UNC79: variants seen among roughly 807,000 people sequenced by gnomAD.
The protein encoded by UNC79 is protein unc-79 homolog.
A neutral mutation model predicts 283.1 loss-of-function variants in UNC79; 37 were observed. The ratio of observed to expected loss-of-function variants is 0.13; its 90% confidence interval spans 0.10 to 0.17. The LOEUF is 0.17. Ranked by LOEUF, UNC79 falls within the 10% of genes least tolerant of loss-of-function variation. UNC79 has a pLI of 1.00. For synonymous variants in UNC79, 1,107 were observed against 1,200.2 expected (o/e 0.92, Z 1.61); for missense variants, 2,272 against 3,211.1 (o/e 0.71, Z 7.07).
intron 1 of UNC79, among the ~76,000 whole-genome samples, chr14:93,415,027 G>A (rs1595447451): frequency 1.3e-5 from 2 of 152,262 alleles, no homozygotes; most frequent in South Asian, 4.1e-4. Flanking sequence ...TCTCCTGCCT[G>A]ATTGCCCTGG....
At chr14:93,608,021 C>A (rs2066008889) in intron 26 of UNC79, among the ~76,000 whole-genome samples, 1 of 152,164 alleles carries the variant, frequency 6.6e-6, no homozygotes, top group South Asian at 2.1e-4. Flanking sequence ...TTTTGTTCAA[C>A]AAATATTACA....
chr14:93,707,607 C>T (rs1211973991), downstream of UNC79: 7 of 152,184 alleles, frequency 4.6e-5, no homozygotes, highest in African/African-American at 1.7e-4. Flanking sequence ...TTTGTTAATA[C>T]TTGTATACAA....
intron 1 of UNC79, among the ~76,000 whole-genome samples, chr14:93,417,755 G>A (rs939697739): frequency 1.3e-4 from 19 of 151,688 alleles, no homozygotes; most frequent in African/African-American, 2.9e-4. Flanking sequence ...TTCCCTTCTC[G>A]CTTCATTTCA....
chr14:93,660,563 A>ATATATGTGTGTGTGTGTG (rs1203621990), intron 39 of UNC79, among the ~76,000 whole-genome samples: 1 of 64,792 alleles, frequency 1.5e-5, no homozygotes, highest in African/African-American at 6.4e-5. Context: ...ATATATATAT[A>ATATATGTGTGTGTGTGTG]TGTGTGTGTG....
At chr14:93,382,663 A>G (rs2054687921) in intron 1 of UNC79, among the ~76,000 whole-genome samples, 2 of 152,334 alleles carry the variant, frequency 1.3e-5, no homozygotes, top group African/African-American at 4.8e-5. Flanking sequence ...ATGCAGATGC[A>G]GATGAAGAAA....
At chr14:93,479,199 C>CCTTCCTTT (rs1252411826) in intron 4 of UNC79, among the ~76,000 whole-genome samples, 6 of 147,842 alleles carry the variant, frequency 4.1e-5, no homozygotes, top group African/African-American at 1.3e-4. Flanking sequence ...TTCCTTCCTT[C>CCTTCCTTT]CTTCCTTCCT....
At position 93,420,823 on chromosome 14, in the gene UNC79, C is replaced by T. The variant is rs1434340098; in HGVS notation, c.-350-46848C>T. ...AGAGGAACTTTGGAAACTCTACAAA[C>T]GTGGAAATTAAGCAATATACTTCTA... is the stretch of plus-strand genomic sequence containing the variant. On this transcript the variant is annotated intron_variant, in intron 1 of 49. Transcript: ENST00000256339. 4.0e-5 allele frequency among the ~76,000 whole-genome samples: 6 copies of T among 151,652 alleles called. No homozygotes were observed. The South Asian group carries it at 6.4e-4, about 16-fold the overall frequency.
At chr14:93,523,647 G>A (rs543768278) in intron 7 of UNC79, among the ~76,000 whole-genome samples, 2 of 152,266 alleles carry the variant, frequency 1.3e-5, no homozygotes, top group African/African-American at 4.8e-5. Flanking sequence ...TATGAAATGA[G>A]ATTAATAATC....
chr14:93,405,920 T>C (rs925701887), intron 1 of UNC79, among the ~76,000 whole-genome samples: 1 of 152,182 alleles, frequency 6.6e-6, no homozygotes, highest in African/African-American at 2.4e-5. Context: ...GAGTTTCATC[T>C]ACTAAGGTGA....
chr14:93,429,697 C>T (rs920384427), upstream of UNC79, among the ~76,000 whole-genome samples: 4 of 151,832 alleles, frequency 2.6e-5, no homozygotes, highest in African/African-American at 4.8e-5. Flanking sequence ...CAACACTTAC[C>T]GTTTTGTTCC....
chr14:93,693,712 T>C (rs773872215), intron 46 of UNC79, among the ~76,000 whole-genome samples: 1 of 152,136 alleles, frequency 6.6e-6, no homozygotes, highest in Non-Finnish European at 1.5e-5. Context: ...AGGATCAAGA[T>C]TGAGAAAGGA....
intron 5 of UNC79, among the ~76,000 whole-genome samples, chr14:93,492,272 G>A (rs1477850079): frequency 1.3e-5 from 2 of 152,090 alleles, no homozygotes; most frequent in African/African-American, 4.8e-5. Flanking sequence ...TAATTTATCA[G>A]AAGGAGGGAG....
At chr14:93,616,978 ATTAC>A (rs2066779903) in intron 27 of UNC79, 140 bp from the exon 29 acceptor site, 1 of 673,070 alleles carries the variant, frequency 1.5e-6, no homozygotes, top group Non-Finnish European at 2.3e-6. Flanking sequence ...CGTACTAGCC[ATTAC>A]TTTTAATATT....
chr14:93,575,530 C>A (rs1338306374), intron 17 of UNC79, among the ~76,000 whole-genome samples: 4 of 151,990 alleles, frequency 2.6e-5, no homozygotes, highest in African/African-American at 9.7e-5. Context: ...CAGTGCTTCA[C>A]TTTGGGGGTG....
chr14:93,694,527 G>A (rs1264240566), intron 47 of UNC79, 115 bp downstream of exon 50: 7 of 982,114 alleles, frequency 7.1e-6, no homozygotes, highest in South Asian at 1.6e-5. Context: ...GTTGGGGCTG[G>A]AGAATTCAGG....
At chr14:93,658,158 A>G (rs2071157291) in intron 38 of UNC79, among the ~76,000 whole-genome samples, 1 of 152,242 alleles carries the variant, frequency 6.6e-6, no homozygotes, top group Non-Finnish European at 1.5e-5. Flanking sequence ...AGATCTGGGC[A>G]CTGCCCCTGA....
intron 47 of UNC79, among the ~76,000 whole-genome samples, chr14:93,697,438 ATC>A (rs916259770): frequency 2.0e-5 from 3 of 152,124 alleles, no homozygotes; most frequent in Non-Finnish European, 4.4e-5. Context: ...GCCCGGCCAG[ATC>A]TCTGTCTATT....
intron 7 of UNC79, among the ~76,000 whole-genome samples, chr14:93,507,341 C>T (rs1239890472): frequency 6.6e-6 from 1 of 152,194 alleles, no homozygotes; most frequent in East Asian, 1.9e-4. Flanking sequence ...TTTTACATTT[C>T]ATCCAACAAT....
intron 14 of UNC79, among the ~76,000 whole-genome samples, chr14:93,544,985 G>A (rs189449896): frequency 3.6e-4 from 55 of 152,166 alleles, no homozygotes; most frequent in Admixed American, 1.6e-3. Flanking sequence ...AGCTTTTAGG[G>A]CTTTGTAACA....
Sources: gnomAD v4.1 joint callset for allele counts (sites outside exome capture counted in the v4.1 genomes callset) on GRCh38, gnomAD v4.1.1 for gene constraint, MANE v1.5 for transcripts, NCBI Gene and HGNC (gene_info 2026-07-23, HGNC 2026-07-21) for gene names.